The following RP1 variants were observed in gnomAD, a reference collection of about 807,000 sequenced individuals.
The protein encoded by RP1 is RP1 axonemal microtubule associated, also known as oxygen-regulated protein 1.
A neutral mutation model predicts 14.8 loss-of-function variants in RP1; 16 were observed. The ratio of observed to expected loss-of-function variants is 1.08; its 90% confidence interval spans 0.73 to 1.65. The LOEUF (loss-of-function observed/expected upper bound fraction) is 1.65. RP1 is among the 40% of genes most tolerant of loss of function. RP1 has a pLI of 0.00. For synonymous variants in RP1, 876 were observed against 883.6 expected, an observed-to-expected ratio of 0.99 and a Z score of 0.15; for missense variants, 2,631 against 2,535.0, an observed-to-expected ratio of 1.04 and a Z score of -0.81.
chr8:54,657,491 A>G (rs1806780588), intron 6 of RP1, among the ~76,000 whole-genome samples: 1 of 152,172 alleles, frequency 6.6e-6, no homozygotes, highest in African/African-American at 2.4e-5. Flanking sequence ...GCCTTTAGTT[A>G]TCTAGGTCAG....
chr8:54,637,036 C>T (rs1029101427), intron 3 of RP1, among the ~76,000 whole-genome samples: 8 of 152,192 alleles, frequency 5.3e-5, no homozygotes, highest in African/African-American at 1.9e-4. Flanking sequence ...TGTCCTGTCA[C>T]CCTTCCAGGA....
chr8:54,635,642 C>T (rs1806332365), downstream of RP1, among the ~76,000 whole-genome samples: 1 of 152,092 alleles, frequency 6.6e-6, no homozygotes, highest in African/African-American at 2.4e-5. Context: ...CCTACTTTGT[C>T]ACCTTTGGCT....
At chr8:54,562,207 C>T (rs1484994662) in intron 1 of RP1, among the ~76,000 whole-genome samples, 1 of 152,160 alleles carries the variant, frequency 6.6e-6, no homozygotes, top group East Asian at 1.9e-4. Context: ...GCTATGCTCA[C>T]ATGTAAAACT....
chr8:54,601,572 T>C (rs1359565687), intron 1 of RP1, among the ~76,000 whole-genome samples: 1 of 110,018 alleles, frequency 9.1e-6, no homozygotes, highest in Admixed American at 9.8e-5. Flanking sequence ...TAAAGTATAA[T>C]AAAAAAAAAC....
chr8:54,687,882 G>T (rs1010941377), intron 12 of RP1, among the ~76,000 whole-genome samples: 1 of 152,068 alleles, frequency 6.6e-6, no homozygotes, highest in Non-Finnish European at 1.5e-5. Context: ...TTGAGGAATC[G>T]CCACACTGTC....
intron 7 of RP1, among the ~76,000 whole-genome samples, chr8:54,672,674 T>G (rs1425984477): frequency 1.3e-5 from 2 of 152,190 alleles, no homozygotes; most frequent in Non-Finnish European, 2.9e-5. Flanking sequence ...GCCAGTTTTA[T>G]TGTTGAATGT....
chr8:54,797,995 C>T (rs1157760038), intron 24 of RP1, among the ~76,000 whole-genome samples: 1 of 151,172 alleles, frequency 6.6e-6, no homozygotes, highest in Non-Finnish European at 1.5e-5. Context: ...GGAGCTCCTC[C>T]TGGATGGTCT....
At chr8:54,708,529 G>A (rs2129345832) in intron 15 of RP1, among the ~76,000 whole-genome samples, 1 of 151,930 alleles carries the variant, frequency 6.6e-6, no homozygotes, top group Non-Finnish European at 1.5e-5. Context: ...AAATTTTTGT[G>A]TTTGTATTTT....
chr8:54,586,753 T>A (rs1563319122), intron 1 of RP1, among the ~76,000 whole-genome samples: 1 of 152,178 alleles, frequency 6.6e-6, no homozygotes, highest in Admixed American at 6.5e-5. Context: ...ACTGCTGTGC[T>A]AGCAATGAGC....
chr8:54,706,511 T>C, exon 15 of RP1: 1 of 1,535,888 alleles, frequency 6.5e-7, no homozygotes. Context: ...GTCTCCAGCC[T>C]GATGGAAGCT....
At position 54,858,686 on chromosome 8, in the gene RP1, A is replaced by G. The variant is rs534208595; in HGVS notation, c.4069+1580A>G. Among the ~76,000 whole-genome samples, 7 of 151,982 alleles carry G rather than the reference A, an allele frequency of 4.6e-5. No individual in the cohort carries two copies. The East Asian group carries it at 1.4e-3, about 30-fold the overall frequency. On this transcript the variant is annotated intron_variant, in intron 27 of 28. Coordinates refer to the RP1 transcript ENST00000637698. ...TCACTGTGGAGCAGTGTCACTGTAG[A>G]GTGGCGTTTCTGTAAGGTGGTGTCA... is the stretch of plus-strand genomic sequence containing the variant.
In RP1 at chr8:54,837,653, G is replaced by C. The variant is rs1811692991; in HGVS notation, c.3819G>C (p.Lys1273Asn). Residue 1273 changes from lysine (K) to asparagine (N), a missense_variant, in exon 25 of 29, where the codon AAG becomes AAC. Transcript: ENST00000637698. ...AGGAAATACCCATCATGGGACCAAA[G>C]AAAGCACCTTTGCCAGGTATATAAT... 3.2e-6 allele frequency: 4 copies of C among 1,230,952 alleles called. No individual in the cohort carries two copies. The East Asian group carries it at 1.3e-4, about 39-fold the overall frequency. The allele number at this position is 1,230,952 out of a possible 1,614,324, so 76.3% of individuals were successfully genotyped here. A position where few individuals can be genotyped will look rare whatever the true frequency, so the allele number is the denominator to read the frequency against.
chr8:54,847,579 A>T (rs1272604635), intron 25 of RP1, among the ~76,000 whole-genome samples: 1 of 152,256 alleles, frequency 6.6e-6, no homozygotes, highest in Non-Finnish European at 1.5e-5. Flanking sequence ...CTCTGAGACG[A>T]GGCCATCCAG....
intron 17 of RP1, among the ~76,000 whole-genome samples, chr8:54,730,684 C>T (rs982816151): frequency 3.9e-5 from 6 of 152,036 alleles, no homozygotes; most frequent in Admixed American, 2.0e-4. Context: ...TAGTTTTTAT[C>T]TTCTTGGTAT....
intron 1 of RP1, among the ~76,000 whole-genome samples, chr8:54,574,482 T>C (rs1033096409): frequency 6.6e-6 from 1 of 151,896 alleles, no homozygotes; most frequent in African/African-American, 2.4e-5. Context: ...GAGATGGCAT[T>C]CCGAGCAGAG....
At chr8:54,612,101 C>T (rs907271773), upstream of RP1, among the ~76,000 whole-genome samples, 9 of 152,120 alleles carry the variant, frequency 5.9e-5, no homozygotes, top group Admixed American at 2.6e-4. Context: ...TCTTTAAGTG[C>T]CTAGTTCCTA....
At chr8:54,836,534 C>T (rs775443363) in intron 24 of RP1, among the ~76,000 whole-genome samples, 7 of 152,158 alleles carry the variant, frequency 4.6e-5, no homozygotes, top group Non-Finnish European at 8.8e-5. Context: ...GTTTGATGTG[C>T]CCTTGGTAAC....
At chr8:54,792,145 C>T (rs1245745685) in intron 24 of RP1, among the ~76,000 whole-genome samples, 3 of 151,852 alleles carry the variant, frequency 2.0e-5, no homozygotes, top group African/African-American at 7.2e-5. Flanking sequence ...ATCAATTTAT[C>T]AAGAAGATAG....
At chr8:54,665,782 C>A (rs1490057913) in intron 7 of RP1, among the ~76,000 whole-genome samples, 2 of 152,128 alleles carry the variant, frequency 1.3e-5, no homozygotes, top group African/African-American at 4.8e-5. Flanking sequence ...TGCAGACACT[C>A]AGTAGACTAC....
Sources: allele counts gnomAD v4.1 joint callset (sites outside exome capture counted in the v4.1 genomes callset), GRCh38; gene constraint gnomAD v4.1.1; transcripts MANE v1.5; gene names NCBI Gene and HGNC (gene_info 2026-07-23, HGNC 2026-07-21).